The following KDM4C variants were observed in gnomAD, a reference collection of about 807,000 sequenced individuals.
The protein encoded by KDM4C is lysine demethylase 4C, also known as lysine-specific demethylase 4C.
A neutral mutation model predicts 129.3 loss-of-function variants in KDM4C; 81 were observed. The ratio of observed to expected loss-of-function variants is 0.63; its 90% CI spans 0.52 to 0.75. The LOEUF (loss-of-function observed/expected upper bound fraction) is 0.75, where lower values mean the gene tolerates loss of function less well. Among genes scored for constraint, KDM4C ranks in the 30% least tolerant of loss-of-function variants. The pLI is 0.00. For synonymous variants in KDM4C, 573 were observed against 456.1 expected, an observed-to-expected ratio of 1.26 and a Z score of -3.26; for missense variants, 1,457 against 1,304.0, an observed-to-expected ratio of 1.12 and a Z score of -1.81.
chr9:7,085,985 G>T (rs1049841130), intron 17 of KDM4C, among the ~76,000 whole-genome samples: 2 of 152,022 alleles, frequency 1.3e-5, no homozygotes, highest in African/African-American at 2.4e-5. Flanking sequence ...GCAAAATCCC[G>T]TGTCTACTAA....
chr9:7,105,793 C>G (rs995058655), intron 18 of KDM4C, among the ~76,000 whole-genome samples: 6 of 152,104 alleles, frequency 3.9e-5, no homozygotes, highest in Non-Finnish European at 5.9e-5. Context: ...TAATCAGGAC[C>G]TCATTCCTCT....
At chr9:7,018,776 A>G (rs1031030950) in intron 15 of KDM4C, among the ~76,000 whole-genome samples, 3 of 152,330 alleles carry the variant, frequency 2.0e-5, no homozygotes, top group African/African-American at 7.2e-5. Context: ...TTCATGTAGC[A>G]TGTTTCATAC....
intron 1 of KDM4C, among the ~76,000 whole-genome samples, chr9:6,769,787 C>G (rs1186029039): frequency 6.6e-6 from 1 of 152,158 alleles, no homozygotes; most frequent in Non-Finnish European, 1.5e-5. Context: ...ATTTGTTTTG[C>G]TGTTTAACAA....
At chr9:6,803,958 G>T (rs920991097) in intron 2 of KDM4C, among the ~76,000 whole-genome samples, 1 of 152,018 alleles carries the variant, frequency 6.6e-6, no homozygotes, top group Non-Finnish European at 1.5e-5. Flanking sequence ...GAGTACCTGG[G>T]ATTACAGGTG....
intron 17 of KDM4C, among the ~76,000 whole-genome samples, chr9:7,055,323 A>C (rs540774391): frequency 6.6e-6 from 1 of 152,328 alleles, no homozygotes; most frequent in South Asian, 2.1e-4. Flanking sequence ...TCTGCAACCA[A>C]ATAGAGGGAG....
At chr9:6,953,832 C>A (rs1309166324) in intron 8 of KDM4C, among the ~76,000 whole-genome samples, 1 of 152,192 alleles carries the variant, frequency 6.6e-6, no homozygotes, top group African/African-American at 2.4e-5. Flanking sequence ...TTCTCTGCTT[C>A]CTGCTGCCTC....
At chr9:7,131,098 A>G (rs957980624) in intron 19 of KDM4C, among the ~76,000 whole-genome samples, 1 of 151,994 alleles carries the variant, frequency 6.6e-6, no homozygotes, top group African/African-American at 2.4e-5. Flanking sequence ...AAAACAAAAC[A>G]AAAACTGAAT....
chr9:6,761,002 C>CTTTT lies in KDM4C; in HGVS notation c.-18+2813_-18+2816dup, dbSNP rs34391703. Among the ~76,000 whole-genome samples the CTTTT allele has an allele frequency of 5.3e-4, 68 of 129,266 alleles. 1 individual carries two copies. Among genetic ancestry groups the CTTTT allele is most frequent in the Middle Eastern group, 4.0e-3 (1 of 248 alleles). The allele number at this position is 129,266 out of a possible 152,430, so 84.8% of individuals were successfully genotyped here. ...TGCTGTGTTTTCCTTTCCTGGATGT[C>CTTTT]TTTTTTTTTTTTTTTTTGAGACGGA... On this transcript the variant is annotated intron_variant, in intron 1 of 21. Transcript: ENST00000381309.
At chr9:6,939,393 C>T (rs529775975) in intron 8 of KDM4C, among the ~76,000 whole-genome samples, 184 of 152,170 alleles carry the variant, frequency 1.2e-3, no homozygotes, top group African/African-American at 4.3e-3. Flanking sequence ...AGGGCCGCCA[C>T]TGATTCTACA....
At chr9:6,938,304 A>G (rs1386983862) in intron 8 of KDM4C, among the ~76,000 whole-genome samples, 1 of 152,188 alleles carries the variant, frequency 6.6e-6, no homozygotes, top group Non-Finnish European at 1.5e-5. Context: ...TTCCCATGGT[A>G]TAAGCCCCAT....
At chr9:6,960,510 C>T (rs753531710) in intron 8 of KDM4C, among the ~76,000 whole-genome samples, 39 of 151,994 alleles carry the variant, frequency 2.6e-4, no homozygotes, top group African/African-American at 5.1e-4. Context: ...CCTCCTACCT[C>T]GGCCTTCCAA....
At chr9:6,793,632 C>G (rs1465026957) in intron 2 of KDM4C, among the ~76,000 whole-genome samples, 2 of 151,462 alleles carry the variant, frequency 1.3e-5, no homozygotes, top group Admixed American at 1.3e-4. Flanking sequence ...CTCCACCTCC[C>G]GGGTTCCAGT....
chr9:7,170,665 A>G, intron 21 of KDM4C: 1 of 972,714 alleles, frequency 1.0e-6, no homozygotes, highest in Non-Finnish European at 1.2e-6. Context: ...AATCCTAAAT[A>G]GAGAAATTTG....
At chr9:6,980,121 A>G (rs1033306845) in intron 8 of KDM4C, among the ~76,000 whole-genome samples, 4 of 152,214 alleles carry the variant, frequency 2.6e-5, no homozygotes, top group Admixed American at 1.3e-4. Flanking sequence ...GTCAAGGTCT[A>G]TCAGTTAAAT....
At chr9:6,964,722 C>T (rs1830607818) in intron 8 of KDM4C, among the ~76,000 whole-genome samples, 1 of 141,178 alleles carries the variant, frequency 7.1e-6, no homozygotes, top group Non-Finnish European at 1.5e-5. Flanking sequence ...GTGGAGCTTG[C>T]AGTGAGCCGA....
chr9:7,137,274 A>G (rs1841313079), intron 19 of KDM4C, among the ~76,000 whole-genome samples: 1 of 152,254 alleles, frequency 6.6e-6, no homozygotes, highest in South Asian at 2.1e-4. Flanking sequence ...GTTCAGCACC[A>G]AATTATGAAT....
chr9:6,986,511 C>T lies in KDM4C; in HGVS notation c.1522C>T (p.Pro508Ser), dbSNP rs750018744. The change falls in exon 11 of 22, where the codon CCA (proline) becomes TCA (serine). Residue 508 changes from proline (P) to serine (S), a missense_variant. By Grantham distance (74) the Pro-to-Ser change is moderately conservative. Coordinates refer to ENST00000381309, the MANE Select transcript of KDM4C (RefSeq NM_015061.6). Reference sequence around the variant, plus strand: ...ATCAGACCCATCCGAGCTTTCATGGCCAAAGTCACCTGAGTCATGCTCATC... The same window carrying T: ...ATCAGACCCATCCGAGCTTTCATGGTCAAAGTCACCTGAGTCATGCTCATC... Reference protein sequence around the residue: ...EKSDPSELSWPKSPESCSSVA... With the variant: ...EKSDPSELSWSKSPESCSSVA... 1.2e-5 allele frequency: 19 copies of T among 1,614,050 alleles called. No individual in the cohort carries two copies. Among genetic ancestry groups the T allele is most frequent in the Non-Finnish European group, 1.6e-5 (19 of 1,180,008 alleles).
intron 1 of KDM4C, among the ~76,000 whole-genome samples, chr9:6,735,478 G>C (rs1039290133): frequency 6.6e-6 from 1 of 152,178 alleles, no homozygotes; most frequent in Non-Finnish European, 1.5e-5. Context: ...GGAGGAACCT[G>C]GTGGGAGGTG....
At chr9:6,973,231 T>C (rs914244853) in intron 8 of KDM4C, among the ~76,000 whole-genome samples, 1 of 152,224 alleles carries the variant, frequency 6.6e-6, no homozygotes, top group Non-Finnish European at 1.5e-5. Flanking sequence ...TCCCCAGATA[T>C]GGGGTCTTGC....
Sources: allele counts gnomAD v4.1 joint callset (sites outside exome capture counted in the v4.1 genomes callset), GRCh38; gene constraint gnomAD v4.1.1; transcripts MANE v1.5; gene names NCBI Gene and HGNC (gene_info 2026-07-23, HGNC 2026-07-21).